GSE1: variants seen among roughly 807,000 people sequenced by gnomAD.
GSE1 encodes Gse1 coiled-coil protein, also known as genetic suppressor element 1.
In GSE1, 32 loss-of-function variants were observed where a neutral mutation model predicts 112.6. The observed-to-expected ratio is 0.28, with a 90% CI of 0.21 to 0.38. The LOEUF is 0.38. Among genes scored for constraint, GSE1 ranks in the 10% least tolerant of loss-of-function variants. The pLI, the probability that GSE1 is intolerant of heterozygous loss-of-function variation, is 1.00. For synonymous variants in GSE1, 1,115 were observed against 735.6 expected (o/e 1.52, Z -8.35); for missense variants, 2,348 against 1,699.2 (o/e 1.38, Z -6.71).
At chr16:85,356,867 G>A (rs936252587) in intron 1 of GSE1, among the ~76,000 whole-genome samples, 6 of 152,226 alleles carry the variant, frequency 3.9e-5, no homozygotes, top group East Asian at 3.9e-4. Context: ...GCTGCTCCCC[G>A]GCTGGTAATA....
intron 2 of GSE1, among the ~76,000 whole-genome samples, chr16:85,636,100 C>A (rs2049973670): frequency 6.6e-6 from 1 of 152,256 alleles, no homozygotes; most frequent in Non-Finnish European, 1.5e-5. Flanking sequence ...GGCCAGACAC[C>A]ATGGCCTCGT....
chr16:85,545,967 A>C (rs1246808225), intron 2 of GSE1, among the ~76,000 whole-genome samples: 1 of 151,894 alleles, frequency 6.6e-6, no homozygotes, highest in Admixed American at 6.6e-5. Flanking sequence ...TTGTATTTTT[A>C]GTAGAGACGG....
intron 1 of GSE1, among the ~76,000 whole-genome samples, chr16:85,596,360 G>C (rs1041455662): frequency 5.3e-5 from 8 of 152,174 alleles, no homozygotes; most frequent in African/African-American, 1.9e-4. Flanking sequence ...GACGCTTCTA[G>C]ACTCAAGCTT....
chr16:85,312,500 ATC>A (rs903865606), intron 1 of GSE1, among the ~76,000 whole-genome samples: 1 of 151,884 alleles, frequency 6.6e-6, no homozygotes, highest in African/African-American at 2.4e-5. Context: ...TTGTCCCCAA[ATC>A]TCTCTCTCAT....
rs1365620212 is a variant in GSE1 at position 85,661,229 on chromosome 16, C to T, written c.1724C>T (p.Pro575Leu). The T allele has an allele frequency of 1.9e-6, 3 of 1,612,418 alleles. No homozygotes were observed. Among genetic ancestry groups the T allele is most frequent in the South Asian group, 1.1e-5 (1 of 91,054 alleles). Residue 575 changes from proline to leucine, a missense_variant, in exon 9 of 16, where the codon CCC becomes CTC. Physicochemically the swap from Pro to Leu is moderately conservative, Grantham distance 98 (BLOSUM62 -3). Transcript: ENST00000253458. ...GGPPPLISPKPQLHAAPTALW... is the reference protein window; with the variant it reads ...GGPPPLISPKLQLHAAPTALW... ...CCACCACCTCTGATTTCGCCCAAGCCCCAGCTCCATGCTGCACCCACGGCC... is the reference window on the plus strand; with the variant it reads ...CCACCACCTCTGATTTCGCCCAAGCTCCAGCTCCATGCTGCACCCACGGCC...
intron 2 of GSE1, among the ~76,000 whole-genome samples, chr16:85,507,011 G>A (rs1392401490): frequency 2.0e-5 from 3 of 152,096 alleles, no homozygotes; most frequent in Non-Finnish European, 4.4e-5. Context: ...GTGGTATGCC[G>A]ACCAGTGGCT....
intron 1 of GSE1, among the ~76,000 whole-genome samples, chr16:85,199,846 C>G (rs1423937578): frequency 2.0e-5 from 3 of 152,072 alleles, no homozygotes; most frequent in Admixed American, 1.3e-4. Context: ...CTTCCAGAGG[C>G]TGGTGGCTGG....
chr16:85,654,459 GTCGGCGGGGACT>G lies in GSE1; in HGVS notation c.599+14_599+25del. 1 of 1,557,298 alleles carries G rather than the reference GTCGGCGGGGACT, an allele frequency of 6.4e-7. No homozygotes were observed. Among genetic ancestry groups the G allele is most frequent in the Non-Finnish European group, 8.7e-7 (1 of 1,150,590 alleles). On this transcript the variant is annotated intron_variant, in intron 4 of 15. Transcript: ENST00000253458. ...CGCTTCCCGCCACTCAAGTAAGTTGGTCGGCGGGGACTTCGGTGAGGTGGCCAGGTGGGGACA... is the reference window on the plus strand; with the variant it reads ...CGCTTCCCGCCACTCAAGTAAGTTGGTCGGTGAGGTGGCCAGGTGGGGACA...
intron 1 of GSE1, among the ~76,000 whole-genome samples, chr16:85,340,400 G>A (rs1047962766): frequency 1.3e-5 from 2 of 152,112 alleles, no homozygotes; most frequent in African/African-American, 4.8e-5. Flanking sequence ...AGCACTTTGG[G>A]AGACCGAGGC....
At chr16:85,567,420 A>G (rs1424920873) in intron 1 of GSE1, among the ~76,000 whole-genome samples, 1 of 152,222 alleles carries the variant, frequency 6.6e-6, no homozygotes, top group Non-Finnish European at 1.5e-5. Context: ...TTTGCTGTGC[A>G]GAGTCCCGAG....
At chr16:85,425,300 C>CACGGGTGATCTGAGGTGGTG (rs2048946340) in intron 2 of GSE1, among the ~76,000 whole-genome samples, 1 of 32,634 alleles carries the variant, frequency 3.1e-5, no homozygotes, top group Non-Finnish European at 1.5e-4. Context: ...GGAGGGGATG[C>CACGGGTGATCTGAGGTGGTG]ACGGGTGATG....
chr16:85,654,462 G>A lies in GSE1; in HGVS notation c.599+12G>A, dbSNP rs566168398. The A allele has an allele frequency of 9.6e-6, 15 of 1,554,926 alleles. No individual in the cohort carries two copies. Among genetic ancestry groups the A allele is most frequent in the African/African-American group, 8.2e-5 (6 of 73,466 alleles). Reference sequence around the variant, plus strand: ...TTCCCGCCACTCAAGTAAGTTGGTCGGCGGGGACTTCGGTGAGGTGGCCAG... The same window carrying A: ...TTCCCGCCACTCAAGTAAGTTGGTCAGCGGGGACTTCGGTGAGGTGGCCAG... On this transcript the variant is annotated intron_variant, in intron 4 of 15. Transcript: ENST00000253458.
intron 1 of GSE1, among the ~76,000 whole-genome samples, chr16:85,303,551 C>T (rs1402521275): frequency 6.6e-6 from 1 of 152,244 alleles, no homozygotes; most frequent in African/African-American, 2.4e-5. Context: ...ACCTTCCCGA[C>T]AACTGAGGGT....
At chr16:85,641,209 G>T (rs1256738616) in intron 2 of GSE1, among the ~76,000 whole-genome samples, 3 of 152,246 alleles carry the variant, frequency 2.0e-5, no homozygotes, top group African/African-American at 7.2e-5. Flanking sequence ...ACCTCCCTCA[G>T]GGTACCTGTC....
chr16:85,399,582 C>G (rs1784122050), intron 2 of GSE1, among the ~76,000 whole-genome samples: 2 of 150,662 alleles, frequency 1.3e-5, no homozygotes, highest in South Asian at 4.3e-4. Flanking sequence ...GTTTCCTAAG[C>G]TGCCTGCCTG....
chr16:85,615,004 G>A (rs1373926641), intron 1 of GSE1, among the ~76,000 whole-genome samples: 1 of 152,212 alleles, frequency 6.6e-6, no homozygotes, highest in Non-Finnish European at 1.5e-5. Context: ...CTGGTCGGCC[G>A]TCTCGTCCTC....
chr16:85,544,954 T>C (rs1455430916), intron 2 of GSE1, among the ~76,000 whole-genome samples: 5 of 152,242 alleles, frequency 3.3e-5, no homozygotes, highest in African/African-American at 1.2e-4. Flanking sequence ...TGTGAGCCAC[T>C]GGTTCAGGGA....
At chr16:85,600,647 T>G (rs1041235148) in intron 1 of GSE1, among the ~76,000 whole-genome samples, 4 of 151,926 alleles carry the variant, frequency 2.6e-5, no homozygotes, top group Admixed American at 2.0e-4. Flanking sequence ...TGGTGGCTCT[T>G]TGCAAAACAC....
chr16:85,552,328 C>CTTTT (rs1195413161), upstream of GSE1, among the ~76,000 whole-genome samples: 8 of 47,754 alleles, frequency 1.7e-4, 1 homozygote, highest in Non-Finnish European at 2.3e-4. Context: ...CCCGCCCCTC[C>CTTTT]TTTTTTTTTT....
Sources: allele counts gnomAD v4.1 joint callset (sites outside exome capture counted in the v4.1 genomes callset), GRCh38; gene constraint gnomAD v4.1.1; transcripts MANE v1.5; gene names NCBI Gene and HGNC (gene_info 2026-07-23, HGNC 2026-07-21).